Variants in WWOX observed in about 807,000 individuals in gnomAD.
WWOX encodes WW domain containing oxidoreductase.
WWOX carries 69 observed loss-of-function variants against 46.2 expected under a neutral mutation model. The ratio of observed to expected loss-of-function variants is 1.49; its 90% CI spans 1.23 to 1.82. The LOEUF (loss-of-function observed/expected upper bound fraction) is 1.82. Ranked by LOEUF, WWOX falls within the 40% of genes most tolerant of loss-of-function variation. WWOX has a pLI of 0.00. For synonymous variants in WWOX, 359 were observed against 202.6 expected, an observed-to-expected ratio of 1.77 and a Z score of -6.56; for missense variants, 919 against 542.6, an observed-to-expected ratio of 1.69 and a Z score of -6.89.
chr16:78,498,704 T>G (rs573146063), intron 8 of WWOX, among the ~76,000 whole-genome samples: 1 of 152,326 alleles, frequency 6.6e-6, no homozygotes, highest in East Asian at 1.9e-4. Context: ...TCTTTCTGTT[T>G]TTAAACAGAG....
At chr16:78,898,914 T>C (rs1473164921) in intron 8 of WWOX, 1 of 152,174 alleles carries the variant, frequency 6.6e-6, no homozygotes, top group Non-Finnish European at 1.5e-5. Context: ...TCCAACTGTT[T>C]GTTTCTAATA....
intron 8 of WWOX, among the ~76,000 whole-genome samples, chr16:78,920,744 C>T (rs2045359205): frequency 6.6e-6 from 1 of 152,120 alleles, no homozygotes; most frequent in Admixed American, 6.5e-5. Context: ...TTATCAGCAC[C>T]ATTTCATCTG....
rs368079990 is a variant in WWOX, at chr16:78,114,963, C to G, written c.231-13C>G. 6.2e-7 allele frequency: 1 copy of G among 1,614,022 alleles called. No homozygotes were observed. Among genetic ancestry groups the G allele is most frequent in the Non-Finnish European group, 8.5e-7 (1 of 1,180,014 alleles). ...TTCATTGCTGTGGGTTCACTGCTTT[C>G]TCTTTTGGGCAGCCATATAAATAAA... On this transcript the variant is annotated splice_polypyrimidine_tract_variant and intron_variant, in intron 3 of 8. Coordinates refer to ENST00000566780, the MANE Select transcript of WWOX (RefSeq NM_016373.4).
At chr16:78,416,897 G>A (rs1230210807) in intron 6 of WWOX, among the ~76,000 whole-genome samples, 1 of 152,166 alleles carries the variant, frequency 6.6e-6, no homozygotes, top group African/African-American at 2.4e-5. Flanking sequence ...TCACAGGGGT[G>A]AACTAACTGG....
At chr16:79,177,376 T>TCTCG (rs1555540753) in intron 8 of WWOX, among the ~76,000 whole-genome samples, 3 of 151,334 alleles carry the variant, frequency 2.0e-5, no homozygotes, top group Admixed American at 1.3e-4. Context: ...TTTTTTCCAC[T>TCTCG]CTCCCTCCGT....
At chr16:78,974,520 G>A (rs969400875) in intron 8 of WWOX, among the ~76,000 whole-genome samples, 3 of 152,150 alleles carry the variant, frequency 2.0e-5, no homozygotes, top group African/African-American at 7.2e-5. Context: ...TCTCTGTTAA[G>A]GTTATCAACT....
intron 8 of WWOX, among the ~76,000 whole-genome samples, chr16:78,927,988 G>T (rs867305678): frequency 4.6e-5 from 7 of 152,064 alleles, no homozygotes; most frequent in Middle Eastern, 3.2e-3. Context: ...GTGTGTGTGT[G>T]TATGTGTGTG....
chr16:79,030,915 C>G (rs1171891921), intron 8 of WWOX, among the ~76,000 whole-genome samples: 2 of 151,846 alleles, frequency 1.3e-5, no homozygotes, highest in Admixed American at 6.6e-5. Flanking sequence ...AGACCCCTGT[C>G]TCTACAAAAA....
intron 5 of WWOX, among the ~76,000 whole-genome samples, chr16:78,257,181 T>C (rs2038155115): frequency 6.6e-6 from 1 of 152,092 alleles, no homozygotes; most frequent in East Asian, 1.9e-4. Context: ...ACACATTGCC[T>C]GTCATCTGTT....
intron 5 of WWOX, chr16:78,270,639 A>C (rs1018864957): frequency 6.6e-6 from 1 of 152,254 alleles, no homozygotes; most frequent in Non-Finnish European, 1.5e-5. Context: ...GTTTTCTGCT[A>C]GCTTCCTCAA....
intron 8 of WWOX, among the ~76,000 whole-genome samples, chr16:78,511,907 C>T (rs754898267): frequency 6.6e-5 from 10 of 152,208 alleles, no homozygotes; most frequent in Non-Finnish European, 1.3e-4. Flanking sequence ...CCGTTTACTG[C>T]TAAAATACCC....
chr16:78,590,534 T>C (rs537097879), intron 8 of WWOX, among the ~76,000 whole-genome samples: 23 of 152,332 alleles, frequency 1.5e-4, no homozygotes, highest in African/African-American at 5.5e-4. Context: ...ACAAGAAACA[T>C]TGAAAACACA....
chr16:78,383,057 A>C (rs888380382), intron 5 of WWOX, among the ~76,000 whole-genome samples: 2 of 150,574 alleles, frequency 1.3e-5, no homozygotes, highest in African/African-American at 4.9e-5. Flanking sequence ...AGCAGATCTT[A>C]GGCATACTGG....
At chr16:78,783,222 A>T (rs909275588) in intron 8 of WWOX, among the ~76,000 whole-genome samples, 1 of 152,212 alleles carries the variant, frequency 6.6e-6, no homozygotes, top group Non-Finnish European at 1.5e-5. Flanking sequence ...GACTTGACTT[A>T]ACTGTTCTCT....
intron 8 of WWOX, among the ~76,000 whole-genome samples, chr16:79,043,187 A>G (rs1003063522): frequency 1.3e-5 from 2 of 151,648 alleles, no homozygotes; most frequent in African/African-American, 4.9e-5. Flanking sequence ...TGGCCACATG[A>G]GTGTTTTTTT....
intron 8 of WWOX, among the ~76,000 whole-genome samples, chr16:78,919,250 A>T (rs1597150399): frequency 6.6e-6 from 1 of 151,652 alleles, no homozygotes; most frequent in South Asian, 2.1e-4. Flanking sequence ...TGGCAGAGAC[A>T]CCCCCCCACT....
At chr16:78,358,887 C>T (rs1041655216) in intron 5 of WWOX, among the ~76,000 whole-genome samples, 2 of 30,104 alleles carry the variant, frequency 6.6e-5, no homozygotes, top group East Asian at 2.6e-4. Context: ...TTTTTTTTAA[C>T]CAGACATATA....
At chr16:78,972,996 C>G (rs917587514) in intron 8 of WWOX, among the ~76,000 whole-genome samples, 2 of 152,288 alleles carry the variant, frequency 1.3e-5, no homozygotes, top group South Asian at 4.2e-4. Context: ...ATCCCTTCCT[C>G]CGATCGCATT....
intron 8 of WWOX, among the ~76,000 whole-genome samples, chr16:78,883,745 A>G (rs923545428): frequency 6.6e-6 from 1 of 151,416 alleles, no homozygotes. Flanking sequence ...AGAAAAAAAA[A>G]GTAATGCAAT....
Sources: allele counts gnomAD v4.1 joint callset (sites outside exome capture counted in the v4.1 genomes callset), GRCh38; gene constraint gnomAD v4.1.1; transcripts MANE v1.5; gene names NCBI Gene and HGNC (gene_info 2026-07-23, HGNC 2026-07-21).